Variants in SIPA1L3 observed in about 807,000 individuals in gnomAD.
The protein encoded by SIPA1L3 is signal induced proliferation associated 1 like 3, also known as signal-induced proliferation-associated 1-like protein 3.
Under a neutral mutation model 150.1 loss-of-function variants are expected in SIPA1L3, and 59 were observed. The ratio of observed to expected loss-of-function variants is 0.39; its 90% CI spans 0.32 to 0.49. SIPA1L3 has a LOEUF of 0.49. Ranked by LOEUF, SIPA1L3 falls within the 20% of genes least tolerant of loss-of-function variation. The probability of loss-of-function intolerance (pLI) is 0.86; values close to 1 mark genes in which losing one functional copy is unlikely to be tolerated. For missense variants in SIPA1L3, 2,211 were observed against 2,489.5 expected, an observed-to-expected ratio of 0.89 and a Z score of 2.38; for synonymous variants, 1,070 against 1,077.6, an observed-to-expected ratio of 0.99 and a Z score of 0.14.
At chr19:38,160,382 T>C (rs531176804) in intron 13 of SIPA1L3, among the ~76,000 whole-genome samples, 10 of 150,254 alleles carry the variant, frequency 6.7e-5, no homozygotes, top group Non-Finnish European at 1.5e-4. Flanking sequence ...GTTAAACCAG[T>C]TGACATCCAG....
intron 1 of SIPA1L3, among the ~76,000 whole-genome samples, chr19:38,006,445 G>A (rs886376509): frequency 1.3e-5 from 2 of 152,122 alleles, no homozygotes; most frequent in Non-Finnish European, 2.9e-5. Flanking sequence ...AGGTAGGAGG[G>A]CTTTGAATAT....
chr19:37,949,170 A>T (rs1463413532), intron 1 of SIPA1L3, among the ~76,000 whole-genome samples: 1 of 152,120 alleles, frequency 6.6e-6, no homozygotes, highest in Non-Finnish European at 1.5e-5. Flanking sequence ...TTCTGTCTCC[A>T]TCTCCCATCT....
chr19:38,111,961 A>G (rs1213514222), intron 8 of SIPA1L3, among the ~76,000 whole-genome samples: 2 of 141,004 alleles, frequency 1.4e-5, no homozygotes, highest in African/African-American at 3.0e-5. Flanking sequence ...ACATGCACAC[A>G]CGTACATGCA....
chr19:38,014,089 G>A (rs1368017273), intron 1 of SIPA1L3, among the ~76,000 whole-genome samples: 2 of 152,216 alleles, frequency 1.3e-5, no homozygotes, highest in Non-Finnish European at 2.9e-5. Flanking sequence ...CTTACTTGTG[G>A]TCAGAGTAAA....
chr19:38,192,401 G>A lies in SIPA1L3; in HGVS notation c.4596+91G>A, dbSNP rs186427865. On this transcript the variant is annotated intron_variant, in intron 17 of 21. Coordinates refer to ENST00000222345, the MANE Select transcript of SIPA1L3 (RefSeq NM_015073.3). ...CAAGGAGAAGGGCTGTGCTCCCCAC[G>A]GTCACGCCAGCTCCTTCCCGTCGTG... The A allele has an allele frequency of 8.0e-4, 978 of 1,215,612 alleles. 3 individuals carry two copies. The African/African-American group carries it at 0.014, about 17-fold the overall frequency. 75.3% of individuals were successfully genotyped at this position (1,215,612 alleles called of 1,614,324 possible).
At chr19:38,026,976 C>T (rs1307220912) in intron 1 of SIPA1L3, among the ~76,000 whole-genome samples, 2 of 152,284 alleles carry the variant, frequency 1.3e-5, no homozygotes, top group African/African-American at 2.4e-5. Flanking sequence ...GTATTGGACT[C>T]ACCACTAGAT....
chr19:38,022,624 C>G (rs1968400203), intron 1 of SIPA1L3, among the ~76,000 whole-genome samples: 1 of 152,008 alleles, frequency 6.6e-6, no homozygotes, highest in African/African-American at 2.4e-5. Context: ...AGGAGAATTG[C>G]CTGAACCTGG....
At position 38,082,659 on chromosome 19, in the gene SIPA1L3, G is replaced by A. The variant is rs759785708; in HGVS notation, c.1094G>A (p.Arg365Gln). 4.4e-6 allele frequency: 7 copies of A among 1,607,780 alleles called. No homozygotes were observed. Among genetic ancestry groups the A allele is most frequent in the African/African-American group, 1.3e-5 (1 of 74,924 alleles). ...AAANRVSVSQ[R>Q]RNTTTGASAA... Reference sequence around the variant, plus strand: ...GCCAACAGGGTGTCGGTGTCGCAGCGGCGGAACACCACCACGGGTGCTTCG... The same window carrying A: ...GCCAACAGGGTGTCGGTGTCGCAGCAGCGGAACACCACCACGGGTGCTTCG... Residue 365 changes from arginine (R) to glutamine (Q), a missense_variant, in exon 3 of 22, where the codon CGG (arginine) becomes CAG (glutamine). This residue lies in a region of SIPA1L3 where 587 missense variants were observed against 534.5 expected (regional missense o/e 1.10). Transcript: ENST00000222345.
intron 8 of SIPA1L3, among the ~76,000 whole-genome samples, chr19:38,116,865 A>G (rs980940018): frequency 4.6e-5 from 7 of 152,150 alleles, no homozygotes; most frequent in African/African-American, 1.7e-4. Flanking sequence ...AAAAATAATA[A>G]TAATAGAAGA....
chr19:38,135,926 C>T (rs568547844), intron 10 of SIPA1L3, among the ~76,000 whole-genome samples: 1 of 151,992 alleles, frequency 6.6e-6, no homozygotes, highest in Admixed American at 6.6e-5. Context: ...GATAGAAGTG[C>T]CCTCGCTGCC....
chr19:38,066,459 GTACCTTTCTT>G (rs1345127329), intron 2 of SIPA1L3, among the ~76,000 whole-genome samples: 1 of 152,204 alleles, frequency 6.6e-6, no homozygotes, highest in Non-Finnish European at 1.5e-5. Flanking sequence ...AAAGCATCGT[GTACCTTTCTT>G]GACGTAGACT....
At chr19:38,103,628 C>CA (rs35401704) in intron 6 of SIPA1L3, among the ~76,000 whole-genome samples, 52,258 of 137,146 alleles carry the variant, frequency 0.38, 10,224 homozygotes, top group East Asian at 0.61. Context: ...AACTTCATCT[C>CA]AAAAAAAAAA....
At chr19:38,006,668 C>T (rs927954222) in intron 1 of SIPA1L3, among the ~76,000 whole-genome samples, 4 of 152,204 alleles carry the variant, frequency 2.6e-5, no homozygotes, top group East Asian at 3.9e-4. Context: ...GGCAGTGGTG[C>T]GGGGGGCATC....
chr19:37,909,967 G>A (rs1282588731), intron 1 of SIPA1L3, among the ~76,000 whole-genome samples: 1 of 91,440 alleles, frequency 1.1e-5, no homozygotes, highest in Non-Finnish European at 2.0e-5. Context: ...AAGTAAAGCA[G>A]TGGCTTAAAA....
At chr19:38,010,864 C>A (rs1185659118) in intron 1 of SIPA1L3, among the ~76,000 whole-genome samples, 2 of 152,122 alleles carry the variant, frequency 1.3e-5, no homozygotes, top group East Asian at 3.8e-4. Flanking sequence ...AATAACACAA[C>A]CTTCTTCCAA....
intron 10 of SIPA1L3, among the ~76,000 whole-genome samples, chr19:38,140,940 C>T (rs566041187): frequency 4.0e-5 from 6 of 151,752 alleles, no homozygotes; most frequent in African/African-American, 1.2e-4. Flanking sequence ...TGCCTGTAGT[C>T]CCAGCTACTC....
chr19:38,007,998 C>T (rs1046676438), intron 1 of SIPA1L3, among the ~76,000 whole-genome samples: 15 of 152,082 alleles, frequency 9.9e-5, no homozygotes, highest in African/African-American at 3.4e-4. Flanking sequence ...GTATCCCCAG[C>T]GTCTAGAGCA....
At chr19:38,061,050 G>T (rs1216321965) in intron 2 of SIPA1L3, among the ~76,000 whole-genome samples, 1 of 152,062 alleles carries the variant, frequency 6.6e-6, no homozygotes, top group Non-Finnish European at 1.5e-5. Flanking sequence ...GTACTTCTTG[G>T]GGTTTCTAGG....
At chr19:37,980,360 A>C (rs1294311136) in intron 1 of SIPA1L3, among the ~76,000 whole-genome samples, 1 of 152,086 alleles carries the variant, frequency 6.6e-6, no homozygotes, top group Non-Finnish European at 1.5e-5. Context: ...AAGGTAGCCT[A>C]CTCAGTACTC....
Sources: allele counts gnomAD v4.1 joint callset (sites outside exome capture counted in the v4.1 genomes callset), GRCh38; gene constraint gnomAD v4.1.1; regional missense constraint gnomAD v4.1.1; transcripts MANE v1.5; gene names NCBI Gene and HGNC (gene_info 2026-07-23, HGNC 2026-07-21).